CAST: variants seen among roughly 807,000 people sequenced by gnomAD.
CAST encodes the protein calpastatin.
In CAST, 76 loss-of-function variants were observed where a neutral mutation model predicts 119.6. That is an observed-to-expected ratio of 0.64 (90% CI 0.53 to 0.77). The LOEUF is 0.77. Ranked by LOEUF, CAST falls within the 30% of genes least tolerant of loss-of-function variation. The pLI is 0.00. For missense variants in CAST, 953 were observed against 946.5 expected, an observed-to-expected ratio of 1.01 and a Z score of -0.09; for synonymous variants, 319 against 331.6, an observed-to-expected ratio of 0.96 and a Z score of 0.41.
At chr5:96,082,151 A>T in the CAST span, among the ~76,000 whole-genome samples, 1 of 152,138 alleles carries the variant, frequency 6.6e-6, no homozygotes, top group African/African-American at 2.4e-5. Flanking sequence ...TGACCTCATG[A>T]TCTGCCCGCC....
chr5:96,167,006 G>C, the CAST span, among the ~76,000 whole-genome samples: 3 of 152,106 alleles, frequency 2.0e-5, no homozygotes, highest in African/African-American at 7.2e-5. Flanking sequence ...GGTAAGGGGC[G>C]ATATTGTGGG....
the CAST span, among the ~76,000 whole-genome samples, chr5:96,135,975 C>T: frequency 3.3e-5 from 5 of 151,976 alleles, no homozygotes; most frequent in Admixed American, 6.6e-5. Context: ...GCAGGAGAAT[C>T]GCTTGAACCT....
the CAST span, among the ~76,000 whole-genome samples, chr5:96,043,904 A>G: frequency 1.3e-5 from 2 of 152,228 alleles, no homozygotes; most frequent in African/African-American, 4.8e-5. Context: ...CAGGGAAGGC[A>G]AACAAAAGCC....
the CAST span, among the ~76,000 whole-genome samples, chr5:95,985,556 G>T: frequency 6.6e-6 from 1 of 152,180 alleles, no homozygotes; most frequent in Non-Finnish European, 1.5e-5. Context: ...TTGAGTCTGT[G>T]TCTCACGTTC....
At chr5:96,170,913 G>A in the CAST span, among the ~76,000 whole-genome samples, 1 of 152,172 alleles carries the variant, frequency 6.6e-6, no homozygotes, top group East Asian at 1.9e-4. Flanking sequence ...TTATAGGGTG[G>A]AGGAGCAGAG....
chr5:96,621,601 G>C (rs1747606348), intron 1 of CAST, among the ~76,000 whole-genome samples: 1 of 152,184 alleles, frequency 6.6e-6, no homozygotes, highest in Non-Finnish European at 1.5e-5. Context: ...AGTATCATGA[G>C]AACAGCATGA....
At chr5:96,000,339 TTCAAGG>T in the CAST span, among the ~76,000 whole-genome samples, 1 of 152,356 alleles carries the variant, frequency 6.6e-6, no homozygotes. Flanking sequence ...ATTTAAGGTC[TTCAAGG>T]TTATCTCCTA....
At chr5:96,432,247 C>T in the CAST span, 1 of 852,708 alleles carries the variant, frequency 1.2e-6, no homozygotes, top group Non-Finnish European at 1.8e-6. Context: ...GGTCCCGTGT[C>T]TTTCACCCAC....
chr5:96,572,269 C>T (rs1320223784), intron 1 of CAST, among the ~76,000 whole-genome samples: 7 of 151,430 alleles, frequency 4.6e-5, no homozygotes, highest in Admixed American at 2.0e-4. Context: ...GGCACGATCT[C>T]GGCTGACTGC....
the CAST span, among the ~76,000 whole-genome samples, chr5:96,119,713 T>A: frequency 1.3e-5 from 2 of 152,366 alleles, no homozygotes; most frequent in South Asian, 4.1e-4. Flanking sequence ...CACAAGGTTA[T>A]TCATCTATGA....
At chr5:96,402,061 C>G in the CAST span, among the ~76,000 whole-genome samples, 2 of 152,188 alleles carry the variant, frequency 1.3e-5, no homozygotes, top group Non-Finnish European at 2.9e-5. Context: ...TGTCTCAGCA[C>G]TCGGTTGGAG....
chr5:96,248,316 C>G, the CAST span, among the ~76,000 whole-genome samples: 1 of 152,166 alleles, frequency 6.6e-6, no homozygotes, highest in South Asian at 2.1e-4. Flanking sequence ...GGCTTTCAGT[C>G]TCTGCAGACA....
chr5:96,102,723 G>GTTT, the CAST span, among the ~76,000 whole-genome samples: 2,924 of 142,208 alleles, frequency 0.021, 58 homozygotes, highest in Middle Eastern at 0.032. Context: ...TTTTCTTGGG[G>GTTT]TTTTTTTTTT....
chr5:96,314,987 T>C, the CAST span, among the ~76,000 whole-genome samples: 3 of 152,224 alleles, frequency 2.0e-5, no homozygotes, highest in Non-Finnish European at 4.4e-5. Context: ...CATTTATATA[T>C]TAATATATTT....
At chr5:96,513,264 C>T in the CAST span, among the ~76,000 whole-genome samples, 3 of 152,206 alleles carry the variant, frequency 2.0e-5, no homozygotes, top group Non-Finnish European at 4.4e-5. Flanking sequence ...CTGCTGTAGG[C>T]ACTGGGGCTA....
At chr5:96,460,515 G>C in the CAST span, among the ~76,000 whole-genome samples, 9 of 151,500 alleles carry the variant, frequency 5.9e-5, no homozygotes, top group Non-Finnish European at 1.2e-4. Flanking sequence ...TGCACATTCT[G>C]CACATGTGTC....
At chr5:96,399,236 T>C in the CAST span, among the ~76,000 whole-genome samples, 1 of 152,194 alleles carries the variant, frequency 6.6e-6, no homozygotes, top group Non-Finnish European at 1.5e-5. Flanking sequence ...AATACTTAAA[T>C]ACAATGCTAT....
the CAST span, among the ~76,000 whole-genome samples, chr5:96,188,565 C>T: frequency 6.6e-6 from 1 of 152,180 alleles, no homozygotes; most frequent in South Asian, 2.1e-4. Flanking sequence ...CTTGTTTCCT[C>T]AACTTTAGAT....
intron 1 of CAST, among the ~76,000 whole-genome samples, chr5:96,613,825 TG>T (rs1314697051): frequency 1.3e-5 from 2 of 152,246 alleles, no homozygotes; most frequent in Non-Finnish European, 2.9e-5. Flanking sequence ...CCTGTAGGTC[TG>T]GGGTGGAGCC....
Sources: allele counts gnomAD v4.1 joint callset (sites outside exome capture counted in the v4.1 genomes callset), GRCh38; gene constraint gnomAD v4.1.1; transcripts MANE v1.5; gene names NCBI Gene and HGNC (gene_info 2026-07-23, HGNC 2026-07-21).